The following KIAA0232 variants were observed in gnomAD, a reference collection of about 807,000 sequenced individuals.
KIAA0232 encodes KIAA0232.
Under a neutral mutation model 122.0 loss-of-function variants are expected in KIAA0232, and 27 were observed. The ratio of observed to expected loss-of-function variants is 0.22; its 90% CI spans 0.16 to 0.31. The LOEUF is 0.31. KIAA0232 is among the 10% of genes least tolerant of loss of function. The probability of loss-of-function intolerance (pLI) is 1.00; values close to 1 mark genes in which losing one functional copy is unlikely to be tolerated. For synonymous variants in KIAA0232, 613 were observed against 587.6 expected, an observed-to-expected ratio of 1.04 and a Z score of -0.63; for missense variants, 1,551 against 1,634.2, an observed-to-expected ratio of 0.95 and a Z score of 0.88.
At chr4:6,800,974 A>T (rs1219661769) in intron 1 of KIAA0232, among the ~76,000 whole-genome samples, 2 of 152,212 alleles carry the variant, frequency 1.3e-5, no homozygotes, top group Non-Finnish European at 2.9e-5. Context: ...GGGAATACAA[A>T]TATAAATATA....
Position 6,883,696 on chromosome 4 carries a change from A to C in KIAA0232, c.*2730A>C, listed in dbSNP as rs1420184327. 1 of 152,228 alleles carries C rather than the reference A, an allele frequency of 6.6e-6. No individual in the cohort carries two copies. The highest frequency in any genetic ancestry group is 1.5e-5 in the Non-Finnish European group (1 of 68,032). 9.4% of individuals were successfully genotyped at this position (152,228 alleles called of 1,614,324 possible). ...CTTTTTGTTTTCTTCTGGGGAAAAA[A>C]TTAAATCTTTATATGTTAATATGAT... On this transcript the variant is annotated 3_prime_UTR_variant, in exon 10 of 10. Transcript: ENST00000307659.
intron 8 of KIAA0232, 134 bp from the exon 9 acceptor site, chr4:6,876,524 AAC>A: frequency 1.6e-6 from 1 of 608,596 alleles, no homozygotes. Flanking sequence ...GACGACTTAA[AAC>A]CTCCGAAGGG....
chr4:6,803,011 CAAAAAAAAAA>C (rs746215162), intron 1 of KIAA0232, among the ~76,000 whole-genome samples: 1 of 48,482 alleles, frequency 2.1e-5, no homozygotes, highest in Non-Finnish European at 4.1e-5. Flanking sequence ...CTGTCTTGAC[CAAAAAAAAAA>C]AAAAAAAAAA....
chr4:6,803,934 A>G (rs560638911), intron 1 of KIAA0232, among the ~76,000 whole-genome samples: 2 of 152,268 alleles, frequency 1.3e-5, no homozygotes, highest in Admixed American at 6.5e-5. Context: ...TTTAATTAAC[A>G]TAAAATTCCA....
At chr4:6,794,551 A>G (rs1307460031) in intron 1 of KIAA0232, among the ~76,000 whole-genome samples, 1 of 152,198 alleles carries the variant, frequency 6.6e-6, no homozygotes, top group African/African-American at 2.4e-5. Flanking sequence ...GGAAAAACAG[A>G]GCAAAAGATG....
chr4:6,784,772 ATAT>A (rs1207295658), intron 1 of KIAA0232, among the ~76,000 whole-genome samples: 4 of 152,194 alleles, frequency 2.6e-5, no homozygotes, highest in African/African-American at 9.7e-5. Context: ...GGAAGGGAGA[ATAT>A]TATTCTTATT....
intron 2 of KIAA0232, among the ~76,000 whole-genome samples, chr4:6,807,042 CTATCT>C: frequency 7.0e-6 from 1 of 143,330 alleles, no homozygotes; most frequent in South Asian, 2.3e-4. Flanking sequence ...GTCTATCTAT[CTATCT>C]ATCTATCTAT....
At chr4:6,852,890 T>C (rs1720369588) in intron 4 of KIAA0232, among the ~76,000 whole-genome samples, 1 of 152,188 alleles carries the variant, frequency 6.6e-6, no homozygotes, top group African/African-American at 2.4e-5. Flanking sequence ...AGGGCATCTG[T>C]CACACTCGGC....
intron 4 of KIAA0232, 29 bp downstream of exon 4, chr4:6,842,233 A>T (rs1393267583): frequency 6.4e-7 from 1 of 1,556,870 alleles, no homozygotes; most frequent in East Asian, 2.4e-5. Context: ...TCTAACACTT[A>T]AGAGAATAAA....
intron 1 of KIAA0232, among the ~76,000 whole-genome samples, chr4:6,804,051 G>A (rs141418229): frequency 6.6e-6 from 1 of 152,124 alleles, no homozygotes; most frequent in Non-Finnish European, 1.5e-5. Flanking sequence ...TGTATTTGAG[G>A]TTTTGAGAAA....
intron 7 of KIAA0232, among the ~76,000 whole-genome samples, chr4:6,867,644 T>G (rs1721255023): frequency 1.3e-5 from 2 of 151,984 alleles, no homozygotes; most frequent in Admixed American, 1.3e-4. Flanking sequence ...GCTGTGGAGG[T>G]CAGCAGGTCT....
chr4:6,845,116 A>G (rs761756044), intron 4 of KIAA0232, among the ~76,000 whole-genome samples: 5 of 152,178 alleles, frequency 3.3e-5, no homozygotes, highest in Non-Finnish European at 5.9e-5. Flanking sequence ...CCAGCCCAGC[A>G]TGACCATGGA....
intron 9 of KIAA0232, 99 bp from the exon 10 acceptor site, chr4:6,880,688 T>C: frequency 2.4e-6 from 2 of 816,538 alleles, no homozygotes; most frequent in South Asian, 6.6e-5. Flanking sequence ...AGGAAAACAC[T>C]GATGATTTAT....
At chr4:6,795,707 T>G (rs187372425) in intron 1 of KIAA0232, among the ~76,000 whole-genome samples, 46 of 152,194 alleles carry the variant, frequency 3.0e-4, no homozygotes, top group African/African-American at 1.1e-3. Flanking sequence ...GTCCTCCCAT[T>G]TCAGCCTCCT....
chr4:6,880,668 G>A (rs899713779), intron 9 of KIAA0232, 119 bp from the exon 10 acceptor site: 3 of 677,342 alleles, frequency 4.4e-6, no homozygotes, highest in Non-Finnish European at 6.5e-6. Flanking sequence ...CTGCATGTTT[G>A]TAACTCCACA....
rs1472726323 is a variant in KIAA0232, at chr4:6,882,635, T to G, written c.*1669T>G. The G allele has an allele frequency of 2.0e-5, 3 of 152,350 alleles. No homozygotes were observed. The highest frequency in any genetic ancestry group is 2.9e-5 in the Non-Finnish European group (2 of 68,026). The allele number at this position is 152,350 out of a possible 1,614,324, so 9.4% of individuals were successfully genotyped here. On this transcript the variant is annotated 3_prime_UTR_variant, in exon 10 of 10. Coordinates refer to ENST00000307659, the MANE Select transcript of KIAA0232 (RefSeq NM_014743.3). ...ACTTTAAGGTGGGTGGGTGTGTGTG[T>G]GTGTGTGTGTGTGCGCGCGTGCGCG... is the stretch of plus-strand genomic sequence containing the variant.
intron 4 of KIAA0232, among the ~76,000 whole-genome samples, chr4:6,850,453 C>A (rs370560804): frequency 1.3e-5 from 2 of 152,108 alleles, no homozygotes; most frequent in East Asian, 3.8e-4. Flanking sequence ...CTTAAACTTT[C>A]TATAAATTAT....
Position 6,862,968 on chromosome 4 carries a change from A to G in KIAA0232, c.2586A>G (p.Leu862=), listed in dbSNP as rs773238631. ...SADVNNYCCC[L]DAEAELETLQ... ...ATGTAAATAACTACTGCTGCTGTCTAGATGCTGAAGCTGAACTGGAGACCC... is the reference window on the plus strand; with the variant it reads ...ATGTAAATAACTACTGCTGCTGTCTGGATGCTGAAGCTGAACTGGAGACCC... Residue 862 remains leucine (L), a synonymous_variant, in exon 7 of 10, where the codon CTA becomes CTG. Coordinates refer to ENST00000307659, the MANE Select transcript of KIAA0232 (RefSeq NM_014743.3). 3.1e-6 allele frequency: 5 copies of G among 1,614,244 alleles called. No individual in the cohort carries two copies. Among genetic ancestry groups the G allele is most frequent in the South Asian group, 1.1e-5 (1 of 91,090 alleles).
chr4:6,792,592 C>T (rs1716944766), intron 1 of KIAA0232, among the ~76,000 whole-genome samples: 1 of 151,740 alleles, frequency 6.6e-6, no homozygotes, highest in Non-Finnish European at 1.5e-5. Flanking sequence ...TTTATAAAGG[C>T]ACAGGGTTGG....
Sources: allele counts gnomAD v4.1 joint callset (sites outside exome capture counted in the v4.1 genomes callset), GRCh38; gene constraint gnomAD v4.1.1; transcripts MANE v1.5; gene names NCBI Gene and HGNC (gene_info 2026-07-23, HGNC 2026-07-21).